DPY19L1: variants seen among roughly 807,000 people sequenced by gnomAD.
The protein encoded by DPY19L1 is protein C-mannosyl-transferase DPY19L1.
Under a neutral mutation model 96.9 loss-of-function variants are expected in DPY19L1, and 35 were observed. The observed-to-expected ratio is 0.36, with a 90% confidence interval of 0.28 to 0.48. The LOEUF (loss-of-function observed/expected upper bound fraction) is 0.48, where lower values mean the gene tolerates loss of function less well. Among genes scored for constraint, DPY19L1 ranks in the 20% least tolerant of loss-of-function variants. The pLI is 0.99. For missense variants in DPY19L1, 521 were observed against 777.9 expected, an observed-to-expected ratio of 0.67 and a Z score of 3.93; for synonymous variants, 205 against 252.6, an observed-to-expected ratio of 0.81 and a Z score of 1.79.
At chr7:35,005,041 C>T (rs546698817) in intron 6 of DPY19L1, among the ~76,000 whole-genome samples, 11 of 152,290 alleles carry the variant, frequency 7.2e-5, no homozygotes, top group Admixed American at 7.2e-4. Context: ...GGGGCAACCT[C>T]AGATAGGATA....
At chr7:34,991,342 T>G (rs1785164275) in intron 6 of DPY19L1, among the ~76,000 whole-genome samples, 1 of 152,152 alleles carries the variant, frequency 6.6e-6, no homozygotes, top group African/African-American at 2.4e-5. Flanking sequence ...GCCTACCGAT[T>G]ATCAGCCTAG....
rs1469535039 is a variant in DPY19L1, at chr7:34,929,118, T to C, written c.*2455A>G. ...TTTGTTTTCGAAAATGTTGTAGCAA[T>C]AGCTATTTTGATCGCTTCTTTGCCC... On this transcript the variant is annotated 3_prime_UTR_variant, in exon 22 of 22. Coordinates refer to ENST00000638088, the MANE Select transcript of DPY19L1 (RefSeq NM_001366673.1). 2.6e-5 allele frequency: 4 copies of C among 152,248 alleles called. No homozygotes were observed. Among genetic ancestry groups the C allele is most frequent in the African/African-American group, 7.2e-5 (3 of 41,468 alleles). 9.4% of individuals were successfully genotyped at this position (152,248 alleles called of 1,614,324 possible). A position where few individuals can be genotyped will look rare whatever the true frequency, so the allele number is the denominator to read the frequency against.
chr7:34,958,999 C>T (rs1002019866), intron 10 of DPY19L1, among the ~76,000 whole-genome samples: 7 of 151,034 alleles, frequency 4.6e-5, no homozygotes, highest in Non-Finnish European at 1.0e-4. Flanking sequence ...CCAGAATCTA[C>T]AAAGAACTTA....
intron 4 of DPY19L1, 45 bp downstream of exon 4, chr7:35,013,523 A>G (rs765693501): frequency 6.4e-7 from 1 of 1,552,786 alleles, no homozygotes; most frequent in South Asian, 1.1e-5. Context: ...AATACAAAAA[A>G]GTTTTTACAA....
Position 34,930,397 on chromosome 7 carries a change from G to A in DPY19L1, c.*1176C>T, listed in dbSNP as rs1192065427. ...GAAGAAAAAAACTAAAGAGGAGGAC[G>A]AAATATACTTATTCCTTATACTGAA... On this transcript the variant is annotated 3_prime_UTR_variant, in exon 22 of 22. Coordinates refer to ENST00000638088, the MANE Select transcript of DPY19L1 (RefSeq NM_001366673.1). 5 of 152,058 alleles carry A rather than the reference G, an allele frequency of 3.3e-5. No homozygotes were observed. Among genetic ancestry groups the A allele is most frequent in the East Asian group, 1.9e-4 (1 of 5,198 alleles). The allele number at this position is 152,058 out of a possible 1,614,324, so 9.4% of individuals were successfully genotyped here.
rs778108467 is a variant in DPY19L1, at chr7:35,011,422, T to C, written c.578A>G (p.Tyr193Cys). 1 of 1,612,108 alleles carries C rather than the reference T, an allele frequency of 6.2e-7. No homozygotes were observed. The change falls in exon 5 of 22, where the codon TAT becomes TGT. Residue 193 changes from tyrosine (Y) to cysteine (C), a missense_variant. Transcript: ENST00000638088. ...ACCAATCAAGTCCATTATTTTGGTATAAATCCGGTACCAACTGGCCAAAAT... is the reference window on the plus strand; with the variant it reads ...ACCAATCAAGTCCATTATTTTGGTACAAATCCGGTACCAACTGGCCAAAAT... ...EVILASWYRI[Y>C]TKIMDLIGIQ...
chr7:35,017,762 G>A (rs1229583472), intron 3 of DPY19L1, 120 bp downstream of exon 3: 1 of 619,158 alleles, frequency 1.6e-6, no homozygotes, highest in African/African-American at 1.9e-5. Context: ...GCTGTCAGCT[G>A]TAGAAGGTGG....
Position 34,938,102 on chromosome 7 carries a change from A to G in DPY19L1, c.1982T>C (p.Val661Ala). The change falls in exon 21 of 22, where the codon GTA (valine) becomes GCA (alanine). Residue 661 changes from valine (V) to alanine (A), a missense_variant. By Grantham distance (64) the Val-to-Ala change is moderately conservative. Transcript: ENST00000638088. The stretch of plus-strand genomic sequence containing the variant: ...TGCTTTCCGACTATACATTGAGTAT[A>G]CTATTTTTGTTCTGGCTCTTTAAAG... ...DAGLRARTKI[V>A]YSMYSRKAAE... 1 of 1,613,434 alleles carries G rather than the reference A, an allele frequency of 6.2e-7. No homozygotes were observed. Among genetic ancestry groups the G allele is most frequent in the South Asian group, 1.1e-5 (1 of 91,026 alleles).
At chr7:35,020,274 G>C (rs1163289445) in intron 1 of DPY19L1, among the ~76,000 whole-genome samples, 2 of 152,084 alleles carry the variant, frequency 1.3e-5, no homozygotes, top group Admixed American at 1.3e-4. Context: ...GACTTGCCAT[G>C]CTTCTACTTT....
chr7:34,994,670 G>C (rs967540455), intron 6 of DPY19L1, among the ~76,000 whole-genome samples: 70 of 152,024 alleles, frequency 4.6e-4, no homozygotes, highest in African/African-American at 1.7e-3. Flanking sequence ...CGGGCGTGGT[G>C]GTGGGCACCT....
intron 13 of DPY19L1, among the ~76,000 whole-genome samples, chr7:34,952,822 T>C (rs868740242): frequency 2.0e-5 from 3 of 151,646 alleles, no homozygotes; most frequent in South Asian, 4.2e-4. Context: ...GACAAAATTA[T>C]AAAAAAAACA....
chr7:34,959,924 TTTATATATA>T (rs1784464503), intron 10 of DPY19L1, among the ~76,000 whole-genome samples: 1 of 51,202 alleles, frequency 2.0e-5, no homozygotes, highest in Admixed American at 2.4e-4. Context: ...TATATATATA[TTTATATATA>T]TATATATATA....
At position 34,967,087 on chromosome 7, in the gene DPY19L1, T is replaced by C. The variant is rs1784627255; in HGVS notation, c.1015-116A>G. ...TATCTACACACAGAGTGAGTTCTTC[T>C]GTTTTCCTTTTATCTGACAATTTAT... On this transcript the variant is annotated intron_variant, in intron 9 of 21. Coordinates refer to ENST00000638088, the MANE Select transcript of DPY19L1 (RefSeq NM_001366673.1). 7.3e-6 allele frequency: 5 copies of C among 689,610 alleles called. No homozygotes were observed. In the South Asian group the frequency reaches 1.1e-4, roughly 15 times the overall value. The allele number at this position is 689,610 out of a possible 1,614,324, so 42.7% of individuals were successfully genotyped here. A position where few individuals can be genotyped will look rare whatever the true frequency, so the allele number is the denominator to read the frequency against.
At chr7:35,003,639 T>A (rs1245075718) in intron 6 of DPY19L1, among the ~76,000 whole-genome samples, 1 of 152,264 alleles carries the variant, frequency 6.6e-6, no homozygotes, top group Non-Finnish European at 1.5e-5. Context: ...TTCTGCCAGA[T>A]GTCCCTACCG....
chr7:34,939,962 A>T (rs956054656), intron 19 of DPY19L1, among the ~76,000 whole-genome samples, 191 bp downstream of exon 19: 1 of 152,204 alleles, frequency 6.6e-6, no homozygotes, highest in Non-Finnish European at 1.5e-5. Flanking sequence ...GAACATATGT[A>T]TAACATTTCC....
intron 9 of DPY19L1, among the ~76,000 whole-genome samples, chr7:34,967,744 G>GCA (rs1243525611): frequency 1.3e-5 from 2 of 152,138 alleles, no homozygotes. Flanking sequence ...TAAACAGATT[G>GCA]CAAAATAGCT....
intron 3 of DPY19L1, among the ~76,000 whole-genome samples, chr7:35,016,554 T>C (rs329235): frequency 0.27 from 41,588 of 152,064 alleles, 5,794 homozygotes; most frequent in Non-Finnish European, 0.31. Flanking sequence ...AAATGATAGA[T>C]TAGGTACCAC....
intron 3 of DPY19L1, among the ~76,000 whole-genome samples, chr7:35,016,267 C>G (rs989822361): frequency 6.6e-5 from 10 of 152,076 alleles, no homozygotes; most frequent in African/African-American, 2.4e-4. Flanking sequence ...CAAGGGCAAA[C>G]AAGGAGAGCT....
chr7:34,994,721 G>A (rs938545921), intron 6 of DPY19L1, among the ~76,000 whole-genome samples: 18 of 151,710 alleles, frequency 1.2e-4, no homozygotes, highest in Admixed American at 3.9e-4. Context: ...GGAGAATGGC[G>A]TGAACCCAGG....
Sources: gnomAD v4.1 joint callset for allele counts (sites outside exome capture counted in the v4.1 genomes callset) on GRCh38, gnomAD v4.1.1 for gene constraint, MANE v1.5 for transcripts, NCBI Gene and HGNC (gene_info 2026-07-23, HGNC 2026-07-21) for gene names.